The following DIAPH2 variants were observed in gnomAD, a reference collection of about 807,000 sequenced individuals.
DIAPH2 encodes the protein diaphanous related formin 2.
Under a neutral mutation model 92.7 loss-of-function variants are expected in DIAPH2, and 35 were observed. The observed-to-expected ratio is 0.38, with a 90% CI of 0.29 to 0.50. The LOEUF is 0.50. Among genes scored for constraint, DIAPH2 ranks in the 20% least tolerant of loss-of-function variants. The probability of loss-of-function intolerance (pLI) is 0.94; values close to 1 mark genes in which losing one functional copy is unlikely to be tolerated. For missense variants in DIAPH2, 701 were observed against 819.5 expected (o/e 0.86, Z 1.77); for synonymous variants, 301 against 280.4 (o/e 1.07, Z -0.73).
intron 26 of DIAPH2, among the ~76,000 whole-genome samples, chrX:97,493,556 C>T (rs946328122): frequency 5.4e-5 from 6 of 111,305 alleles, no homozygotes; most frequent in Admixed American, 2.9e-4. Context: ...CCACCGCACC[C>T]GGCCTGGTTA....
At chrX:96,877,371 A>T (rs1477952131) in intron 4 of DIAPH2, among the ~76,000 whole-genome samples, 1 of 112,195 alleles carries the variant, frequency 8.9e-6, no homozygotes, top group Non-Finnish European at 1.9e-5. Context: ...ATAGCCAAAG[A>T]AATGGACTTC....
chrX:97,157,218 G>A (rs2067329746), intron 22 of DIAPH2, among the ~76,000 whole-genome samples: 1 of 110,236 alleles, frequency 9.1e-6, no homozygotes, highest in South Asian at 3.9e-4. Context: ...GGAGGTTGAG[G>A]CAGGAGAACT....
At chrX:97,150,269 A>G (rs141722497) in intron 22 of DIAPH2, among the ~76,000 whole-genome samples, 81 of 111,846 alleles carry the variant, frequency 7.2e-4, no homozygotes, top group African/African-American at 2.6e-3. Flanking sequence ...ATCAATGCAT[A>G]ACATATAAAC....
rs138042104 is a variant in DIAPH2 at position 96,865,264 on chromosome X, C to T, written c.448-16315C>T. On this transcript the variant is annotated intron_variant, in intron 4 of 26. Transcript: ENST00000324765. ...TTTTATGTGAACAATCAGACCTTGG[C>T]GATGACCTTGAGCAGTAGGATATAA... Among the ~76,000 whole-genome samples, 665 of 111,569 alleles carry T rather than the reference C, an allele frequency of 6.0e-3. 11 individuals are homozygous for T. Among genetic ancestry groups the T allele is most frequent in the African/African-American group, 0.021 (631 of 30,688 alleles).
chrX:96,819,200 A>C (rs968178548), intron 4 of DIAPH2, among the ~76,000 whole-genome samples: 50 of 112,064 alleles, frequency 4.5e-4, no homozygotes, highest in African/African-American at 1.6e-3. Flanking sequence ...TGTTTTTTGT[A>C]TGAAAACTCC....
intron 4 of DIAPH2, among the ~76,000 whole-genome samples, chrX:96,781,895 C>T (rs750582592): frequency 1.8e-5 from 2 of 110,373 alleles, no homozygotes; most frequent in Non-Finnish European, 3.8e-5. Context: ...TGAATTAACA[C>T]TAAAATGTGT....
intron 23 of DIAPH2, among the ~76,000 whole-genome samples, chrX:97,343,282 T>C (rs1015898309): frequency 8.9e-6 from 1 of 111,790 alleles, no homozygotes; most frequent in Non-Finnish European, 1.9e-5. Flanking sequence ...ATATAGATGA[T>C]ATTTAAAGCT....
intron 23 of DIAPH2, among the ~76,000 whole-genome samples, chrX:97,287,303 G>A (rs919901828): frequency 9.3e-6 from 1 of 107,541 alleles, no homozygotes; most frequent in Non-Finnish European, 1.9e-5. Flanking sequence ...AAACTCCGTC[G>A]GGAAAAAAAA....
At chrX:97,467,838 C>A (rs1215886266) in intron 26 of DIAPH2, among the ~76,000 whole-genome samples, 1 of 111,718 alleles carries the variant, frequency 9.0e-6, no homozygotes, top group Non-Finnish European at 1.9e-5. Context: ...TGCAGAGAGA[C>A]TGTAAAAGCT....
At chrX:97,247,917 C>G in intron 23 of DIAPH2, 78 bp downstream of exon 23, 1 of 867,614 alleles carries the variant, frequency 1.2e-6, no homozygotes, top group Non-Finnish European at 1.6e-6. Flanking sequence ...GTGGTTAGTT[C>G]TAGATTTACT....
intron 11 of DIAPH2, among the ~76,000 whole-genome samples, 166 bp from the exon 12 acceptor site, chrX:96,939,100 T>C (rs1478153455): frequency 9.0e-6 from 1 of 111,474 alleles, no homozygotes. Flanking sequence ...AATGATTCCA[T>C]AGAATCATTA....
At chrX:97,494,350 C>A (rs977415566) in intron 26 of DIAPH2, among the ~76,000 whole-genome samples, 2 of 110,359 alleles carry the variant, frequency 1.8e-5, no homozygotes, top group Non-Finnish European at 3.8e-5. Flanking sequence ...ATAATTTCTA[C>A]CTCTGTTGAC....
intron 17 of DIAPH2, among the ~76,000 whole-genome samples, chrX:97,025,609 G>C (rs1226382890): frequency 9.0e-6 from 1 of 110,810 alleles, no homozygotes; most frequent in African/African-American, 3.3e-5. Context: ...CCGAGATCGC[G>C]CCACTGCACT....
rs1294555742 is a variant in DIAPH2 at position 97,227,448 on chromosome X, T to C, written c.2720-20267T>C. 4.5e-5 allele frequency among the ~76,000 whole-genome samples: 5 copies of C among 112,232 alleles called. No individual in the cohort carries two copies. In the East Asian group the frequency reaches 1.4e-3, roughly 31 times the overall value. ...ATGTTTGTTCATTTCACCCAATATATATTTACTCCTACTTTGTGCAACACA... is the reference window on the plus strand; with the variant it reads ...ATGTTTGTTCATTTCACCCAATATACATTTACTCCTACTTTGTGCAACACA... On this transcript the variant is annotated intron_variant, in intron 22 of 26. Transcript: ENST00000324765.
chrX:96,688,366 G>A (rs1231861135), intron 1 of DIAPH2, among the ~76,000 whole-genome samples: 1 of 112,182 alleles, frequency 8.9e-6, no homozygotes. Context: ...ACGGAGTCTC[G>A]CTCTGTTGCC....
intron 22 of DIAPH2, among the ~76,000 whole-genome samples, chrX:97,167,346 C>T (rs932985990): frequency 3.6e-5 from 4 of 111,497 alleles, no homozygotes; most frequent in Non-Finnish European, 1.9e-5. Context: ...CAAAACAGAT[C>T]ATGTTAAAGC....
At chrX:96,838,997 AT>A (rs2064917581) in intron 4 of DIAPH2, among the ~76,000 whole-genome samples, 1 of 111,845 alleles carries the variant, frequency 8.9e-6, no homozygotes, top group Non-Finnish European at 1.9e-5. Flanking sequence ...TTGAATCTTC[AT>A]TGCTGCATGT....
At chrX:97,129,285 G>A (rs1429294357) in intron 21 of DIAPH2, among the ~76,000 whole-genome samples, 14 of 107,979 alleles carry the variant, frequency 1.3e-4, no homozygotes, top group Non-Finnish European at 2.5e-4. Flanking sequence ...TCCTGCCTCA[G>A]CCTCCCGAGT....
At chrX:96,739,812 C>T (rs962422783) in intron 3 of DIAPH2, among the ~76,000 whole-genome samples, 1 of 111,637 alleles carries the variant, frequency 9.0e-6, no homozygotes, top group African/African-American at 3.3e-5. Flanking sequence ...TGTGGTGCAC[C>T]CTTTTTCCTG....
Sources: gnomAD v4.1 joint callset for allele counts (sites outside exome capture counted in the v4.1 genomes callset) on GRCh38, gnomAD v4.1.1 for gene constraint, MANE v1.5 for transcripts, NCBI Gene and HGNC (gene_info 2026-07-23, HGNC 2026-07-21) for gene names.